Variants in PRRX2 observed in about 807,000 individuals in gnomAD.
PRRX2 encodes paired related homeobox 2.
PRRX2 carries 11 observed loss-of-function variants against 18.0 expected under a neutral mutation model. That is an observed-to-expected ratio of 0.61 (90% CI 0.39 to 1.01). PRRX2 has a LOEUF of 1.01. Among genes scored for constraint, PRRX2 ranks in the 50% least tolerant of loss-of-function variants. The pLI, the probability that PRRX2 is intolerant of heterozygous loss-of-function variation, is 0.01. For missense variants in PRRX2, 387 were observed against 351.0 expected, an observed-to-expected ratio of 1.10 and a Z score of -0.82; for synonymous variants, 177 against 154.8, an observed-to-expected ratio of 1.14 and a Z score of -1.06.
chr9:129,684,524 C>CACACACACACACACACACACACACACACA (rs1564147490), intron 1 of PRRX2, among the ~76,000 whole-genome samples: 1 of 45,006 alleles, frequency 2.2e-5, no homozygotes, highest in Non-Finnish European at 5.5e-5. Flanking sequence ...ACACACACAC[C>CACACACACACACACACACACACACACACA]CACACACACC....
chr9:129,686,608 C>T (rs1832302026), intron 1 of PRRX2, among the ~76,000 whole-genome samples: 1 of 152,194 alleles, frequency 6.6e-6, no homozygotes, highest in Admixed American at 6.6e-5. Context: ...TCTGGGATCA[C>T]AGGCATGAGC....
intron 1 of PRRX2, among the ~76,000 whole-genome samples, chr9:129,669,314 C>T (rs758398650): frequency 2.8e-4 from 43 of 152,362 alleles, no homozygotes; most frequent in Non-Finnish European, 5.6e-4. Flanking sequence ...CGGGTTCCTT[C>T]CTCGCCAGTC....
At chr9:129,680,932 T>C (rs779602142) in intron 1 of PRRX2, among the ~76,000 whole-genome samples, 4 of 152,342 alleles carry the variant, frequency 2.6e-5, no homozygotes, top group Middle Eastern at 6.8e-3. Flanking sequence ...TTTTGTAATG[T>C]GGTGTTTGAA....
At chr9:129,717,712 AAAG>A (rs1832729749) in intron 1 of PRRX2, among the ~76,000 whole-genome samples, 1 of 149,592 alleles carries the variant, frequency 6.7e-6, no homozygotes, top group Non-Finnish European at 1.5e-5. Context: ...AAAAAAAAAA[AAAG>A]AAAAAGAAAA....
chr9:129,701,337 G>A (rs1055691105), intron 1 of PRRX2, among the ~76,000 whole-genome samples: 2 of 152,248 alleles, frequency 1.3e-5, no homozygotes, highest in African/African-American at 2.4e-5. Context: ...AGTCACCAAC[G>A]CGATAGCTGA....
At position 129,722,266 on chromosome 9, in the gene PRRX2, G is replaced by A. The variant is rs755437873; in HGVS notation, c.676G>A (p.Val226Ile). The A allele has an allele frequency of 1.5e-5, 24 of 1,613,876 alleles. No homozygotes were observed. Among genetic ancestry groups the A allele is most frequent in the South Asian group, 2.2e-5 (2 of 91,090 alleles). The change falls in exon 4 of 4, where the codon GTC (valine) becomes ATC (isoleucine). Residue 226 changes from valine to isoleucine, a missense_variant. Val to Ile is a conservative substitution (Grantham distance 29). Coordinates refer to ENST00000372469, the MANE Select transcript of PRRX2 (RefSeq NM_016307.4). ...GAGCTCAGGCCCCGCAACCCCAGGG[G>A]TCAACATGGCCAACAGCATCGCCAG... ...PGSSGPATPG[V>I]NMANSIASLR... is the part of the protein sequence containing the mutation.
At chr9:129,666,959 T>C (rs1365725234) in intron 1 of PRRX2, among the ~76,000 whole-genome samples, 1 of 152,054 alleles carries the variant, frequency 6.6e-6, no homozygotes, top group African/African-American at 2.4e-5. Flanking sequence ...CCCGCCTGAC[T>C]CCAGCAGCCC....
intron 1 of PRRX2, among the ~76,000 whole-genome samples, chr9:129,718,225 G>C (rs553680518): frequency 1.3e-5 from 2 of 152,252 alleles, no homozygotes; most frequent in South Asian, 4.1e-4. Flanking sequence ...CACCGCCCCT[G>C]CTGGGCCTTG....
chr9:129,680,389 AGACTCCG>A (rs1340458461), intron 1 of PRRX2, among the ~76,000 whole-genome samples: 1 of 139,592 alleles, frequency 7.2e-6, no homozygotes, highest in East Asian at 2.1e-4. Context: ...TGACAGAGCG[AGACTCCG>A]TCTCAAAAAA....
At chr9:129,698,466 G>A (rs1832457018) in intron 1 of PRRX2, among the ~76,000 whole-genome samples, 2 of 152,160 alleles carry the variant, frequency 1.3e-5, no homozygotes, top group South Asian at 4.1e-4. Context: ...TCGGGAGGAG[G>A]GTGTTTGGTG....
chr9:129,717,713 A>G (rs1263936813), intron 1 of PRRX2, among the ~76,000 whole-genome samples: 1 of 150,016 alleles, frequency 6.7e-6, no homozygotes, highest in Admixed American at 6.6e-5. Context: ...AAAAAAAAAA[A>G]AGAAAAAGAA....
intron 2 of PRRX2, 43 bp from the exon 3 acceptor site, chr9:129,720,553 C>G: frequency 6.6e-7 from 1 of 1,525,986 alleles, no homozygotes; most frequent in Non-Finnish European, 8.9e-7. Context: ...GGACTTGGGT[C>G]CCCCCTGCCC....
At chr9:129,692,013 G>A (rs374096580) in intron 1 of PRRX2, among the ~76,000 whole-genome samples, 2 of 148,432 alleles carry the variant, frequency 1.3e-5, no homozygotes, top group Non-Finnish European at 3.0e-5. Context: ...GTGTGATCTC[G>A]GCTCACTGCA....
At chr9:129,684,025 C>T (rs1325832763) in intron 1 of PRRX2, among the ~76,000 whole-genome samples, 1 of 152,188 alleles carries the variant, frequency 6.6e-6, no homozygotes, top group Non-Finnish European at 1.5e-5. Flanking sequence ...CCCTGGACCC[C>T]ATGTGGTGGA....
At chr9:129,666,651 G>A (rs1487793858) in intron 1 of PRRX2, among the ~76,000 whole-genome samples, 1 of 150,298 alleles carries the variant, frequency 6.7e-6, no homozygotes, top group East Asian at 2.0e-4. Flanking sequence ...CCCCGGCAGA[G>A]GTCAAAGGTC....
rs766903130 is a variant in PRRX2, at chr9:129,675,876, C to G, written c.259+9750C>G. Among the ~76,000 whole-genome samples, 6 of 152,198 alleles carry G rather than the reference C, an allele frequency of 3.9e-5. No individual in the cohort carries two copies. The highest frequency in any genetic ancestry group is 9.7e-5 in the African/African-American group (4 of 41,448). On this transcript the variant is annotated intron_variant, in intron 1 of 3. Coordinates refer to ENST00000372469, the MANE Select transcript of PRRX2 (RefSeq NM_016307.4). The surrounding 1 kb of genome is among the most constrained non-coding windows in gnomAD (Gnocchi z 4.4). The stretch of plus-strand genomic sequence containing the variant: ...TCCCGTATAAAACCCCGCAGAACGC[C>G]GAGGTCTTGAAAGCCAGTGCACCTC...
At chr9:129,707,251 T>C (rs897815472) in intron 1 of PRRX2, among the ~76,000 whole-genome samples, 1 of 151,672 alleles carries the variant, frequency 6.6e-6, no homozygotes, top group Non-Finnish European at 1.5e-5. Context: ...ATGAGTGAGA[T>C]TCTGTCTCAA....
intron 1 of PRRX2, among the ~76,000 whole-genome samples, chr9:129,698,269 G>GTC (rs1832452863): frequency 1.2e-4 from 13 of 105,934 alleles, no homozygotes; most frequent in African/African-American, 5.4e-4. Flanking sequence ...GGGGGGGGGG[G>GTC]GGGCGGGGGC....
At position 129,671,978 on chromosome 9, in the gene PRRX2, C is replaced by T. The variant is rs1832105799; in HGVS notation, c.259+5852C>T. On this transcript the variant is annotated intron_variant, in intron 1 of 3. Coordinates refer to ENST00000372469, the MANE Select transcript of PRRX2 (RefSeq NM_016307.4). The surrounding 1 kb of genome is among the most constrained non-coding windows in gnomAD (Gnocchi z 4.0). ...GGGCAGCACGGAACGGGCTCTGTGC[C>T]TATGTTAGGCGTTTCTGAGTAGGTG... Among the ~76,000 whole-genome samples, 1 of 152,062 alleles carries T rather than the reference C, an allele frequency of 6.6e-6. No individual in the cohort carries two copies. The highest frequency in any genetic ancestry group is 2.4e-5 in the African/African-American group (1 of 41,386).
Sources: gnomAD v4.1 joint callset for allele counts (sites outside exome capture counted in the v4.1 genomes callset) on GRCh38, gnomAD v4.1.1 for gene constraint, Gnocchi (gnomAD v3.1) non-coding constraint, MANE v1.5 for transcripts, NCBI Gene and HGNC (gene_info 2026-07-23, HGNC 2026-07-21) for gene names.